The following RIN3 variants were observed in gnomAD, a reference collection of about 807,000 sequenced individuals.
RIN3 encodes RAB5 interacting protein 3.
RIN3 carries 54 observed loss-of-function variants against 76.3 expected under a neutral mutation model. That is an observed-to-expected ratio of 0.71 (90% CI 0.57 to 0.89). The LOEUF is 0.89. Ranked by LOEUF, RIN3 falls within the 40% of genes least tolerant of loss-of-function variation. The pLI is 0.00. For synonymous variants in RIN3, 576 were observed against 564.0 expected, an observed-to-expected ratio of 1.02 and a Z score of -0.30; for missense variants, 1,256 against 1,322.1, an observed-to-expected ratio of 0.95 and a Z score of 0.78.
intron 1 of RIN3, among the ~76,000 whole-genome samples, chr14:92,525,032 G>A (rs953110754): frequency 2.0e-5 from 3 of 152,350 alleles, no homozygotes; most frequent in African/African-American, 4.8e-5. Flanking sequence ...GCTGTACACC[G>A]TTGCGCAGGT....
chr14:92,533,233 A>T (rs761893215), intron 1 of RIN3, among the ~76,000 whole-genome samples: 18 of 152,264 alleles, frequency 1.2e-4, no homozygotes, highest in Non-Finnish European at 2.4e-4. Context: ...CACTAGTCAC[A>T]TGTAGCTATT....
chr14:92,614,581 G>A (rs2140102431), intron 3 of RIN3, among the ~76,000 whole-genome samples: 1 of 152,128 alleles, frequency 6.6e-6, no homozygotes, highest in Admixed American at 6.5e-5. Context: ...AGTTGTGGGA[G>A]GGACCTGGTG....
chr14:92,653,152 GA>G, intron 6 of RIN3, 77 bp downstream of exon 6: 1 of 1,453,298 alleles, frequency 6.9e-7, no homozygotes, highest in Non-Finnish European at 9.1e-7. Flanking sequence ...TAGGACAAAA[GA>G]GGCCTATGCA....
At chr14:92,667,603 T>C (rs752835153) in intron 7 of RIN3, among the ~76,000 whole-genome samples, 5 of 152,248 alleles carry the variant, frequency 3.3e-5, no homozygotes, top group African/African-American at 4.8e-5. Context: ...GTTGGTGAAT[T>C]TCTTTCTAGT....
Position 92,629,117 on chromosome 14 carries a change from AAG to A in RIN3, c.441-12085_441-12084del, listed in dbSNP as rs58288914. On this transcript the variant is annotated intron_variant, in intron 4 of 9. Transcript: ENST00000216487. ...CCAAGGGTCCTGAGTCGGAAAGGAA[AAG>A]AGAGAGAGAGAGAGAGAGAGAGAGA... Among the ~76,000 whole-genome samples, 1,441 of 145,294 alleles carry A rather than the reference AAG, an allele frequency of 9.9e-3. 15 individuals carry two copies. The highest frequency in any genetic ancestry group is 0.027 in the African/African-American group (1,045 of 39,038).
chr14:92,613,077 G>A (rs888679285), intron 3 of RIN3, among the ~76,000 whole-genome samples: 1 of 152,254 alleles, frequency 6.6e-6, no homozygotes, highest in Non-Finnish European at 1.5e-5. Flanking sequence ...TGTTGAGTAT[G>A]CCTGGTATGT....
intron 7 of RIN3, among the ~76,000 whole-genome samples, chr14:92,673,252 G>C (rs1156771460): frequency 2.6e-5 from 4 of 152,128 alleles, no homozygotes; most frequent in Non-Finnish European, 4.4e-5. Context: ...TGGTGTGCAT[G>C]CACCACATTT....
chr14:92,576,108 C>T, intron 2 of RIN3: 2 of 687,838 alleles, frequency 2.9e-6, no homozygotes, highest in Non-Finnish European at 4.1e-6. Context: ...CCAAGTCCTT[C>T]CCCTATGGAG....
chr14:92,561,001 A>G (rs1189542264), intron 2 of RIN3, among the ~76,000 whole-genome samples: 2 of 138,210 alleles, frequency 1.4e-5, no homozygotes, highest in East Asian at 4.2e-4. Context: ...AGCCTGGGCA[A>G]CAAGAGCGAA....
At chr14:92,613,120 C>G (rs143638237) in intron 3 of RIN3, among the ~76,000 whole-genome samples, 21 of 152,316 alleles carry the variant, frequency 1.4e-4, no homozygotes, top group African/African-American at 5.1e-4. Context: ...TGCCACTAAC[C>G]CACTCCAGGC....
rs527324585 is a variant in RIN3 at position 92,663,274 on chromosome 14, C to T, written c.2335+3805C>T. ...CCGTGATTTTTGCTAACAATGAATT[C>T]GCTTCCTAAAAACTTACCAGAGAGC... On this transcript the variant is annotated intron_variant, in intron 7 of 9. Coordinates refer to ENST00000216487, the MANE Select transcript of RIN3 (RefSeq NM_024832.5). Among the ~76,000 whole-genome samples the T allele has an allele frequency of 2.6e-5, 4 of 152,296 alleles. No homozygotes were observed. In the East Asian group the frequency reaches 5.8e-4, roughly 22 times the overall value.
chr14:92,646,285 C>T (rs998409569), intron 5 of RIN3, among the ~76,000 whole-genome samples: 5 of 152,204 alleles, frequency 3.3e-5, no homozygotes, highest in African/African-American at 1.2e-4. Context: ...AACAGCATGG[C>T]GCCCTTTTGC....
chr14:92,642,744 T>C (rs1595477745), intron 5 of RIN3, among the ~76,000 whole-genome samples: 2 of 152,106 alleles, frequency 1.3e-5, no homozygotes, highest in South Asian at 4.1e-4. Context: ...GAGGGGCCCA[T>C]CAGGGGCAGC....
intron 5 of RIN3, chr14:92,645,151 G>C (rs1022587549): frequency 1.3e-5 from 2 of 152,244 alleles, no homozygotes; most frequent in African/African-American, 4.8e-5. Flanking sequence ...GACTAGCGGG[G>C]CTCTGACTCA....
intron 2 of RIN3, among the ~76,000 whole-genome samples, chr14:92,570,535 G>A (rs1380339355): frequency 6.6e-6 from 1 of 152,086 alleles, no homozygotes. Flanking sequence ...GGTAGTGCGT[G>A]CCTGTAATCC....
At chr14:92,661,747 ACACACAC>A (rs1566893404) in intron 7 of RIN3, among the ~76,000 whole-genome samples, 2 of 137,792 alleles carry the variant, frequency 1.5e-5, no homozygotes, top group East Asian at 2.4e-4. Context: ...ACACACACAC[ACACACAC>A]ACACAAAAAA....
intron 2 of RIN3, among the ~76,000 whole-genome samples, chr14:92,558,076 C>T (rs537986061): frequency 7.2e-5 from 11 of 152,190 alleles, no homozygotes; most frequent in Non-Finnish European, 1.3e-4. Flanking sequence ...AGCCTGGGCG[C>T]GGTGGCTCAT....
intron 4 of RIN3, among the ~76,000 whole-genome samples, chr14:92,632,110 T>A (rs1886607700): frequency 6.6e-6 from 1 of 152,088 alleles, no homozygotes; most frequent in East Asian, 1.9e-4. Flanking sequence ...CTCAGTCTGG[T>A]CCTGTCGGCA....
At chr14:92,613,580 C>T (rs1369137809) in intron 3 of RIN3, among the ~76,000 whole-genome samples, 1 of 152,170 alleles carries the variant, frequency 6.6e-6, no homozygotes, top group Non-Finnish European at 1.5e-5. Context: ...ATAAGCATCT[C>T]ACAGACCTCT....
Sources: gnomAD v4.1 joint callset for allele counts (sites outside exome capture counted in the v4.1 genomes callset) on GRCh38, gnomAD v4.1.1 for gene constraint, MANE v1.5 for transcripts, NCBI Gene and HGNC (gene_info 2026-07-23, HGNC 2026-07-21) for gene names.